Variants in PTPN4 observed in about 807,000 individuals in gnomAD.
PTPN4 encodes the protein protein tyrosine phosphatase non-receptor type 4, also known as tyrosine-protein phosphatase non-receptor type 4.
In PTPN4, 49 loss-of-function variants were observed where a neutral mutation model predicts 135.5. That is an observed-to-expected ratio of 0.36 (90% CI 0.29 to 0.46). PTPN4 has a LOEUF of 0.46. Ranked by LOEUF, PTPN4 falls within the 20% of genes least tolerant of loss-of-function variation. The pLI, the probability that PTPN4 is intolerant of heterozygous loss-of-function variation, is 1.00. For missense variants in PTPN4, 860 were observed against 1,101.0 expected (o/e 0.78, Z 3.10); for synonymous variants, 333 against 369.9 (o/e 0.90, Z 1.14).
At chr2:119,878,901 G>C (rs1201536612) in intron 5 of PTPN4, among the ~76,000 whole-genome samples, 5 of 151,750 alleles carry the variant, frequency 3.3e-5, no homozygotes, top group Admixed American at 2.0e-4. Flanking sequence ...AGAACATCCT[G>C]GCTAACACGG....
chr2:119,975,158 C>T (rs1384117469), intron 26 of PTPN4, among the ~76,000 whole-genome samples: 2 of 152,168 alleles, frequency 1.3e-5, no homozygotes, highest in Admixed American at 1.3e-4. Context: ...TGTTGCCAGG[C>T]TGGTTTGCAG....
chr2:119,841,878 G>A (rs2104970886), intron 2 of PTPN4, among the ~76,000 whole-genome samples: 1 of 152,194 alleles, frequency 6.6e-6, no homozygotes, highest in South Asian at 2.1e-4. Flanking sequence ...CATAGTTTTG[G>A]TGTTAAAATT....
At chr2:119,946,228 A>AT (rs1379496890) in intron 16 of PTPN4, 113 bp from the exon 17 acceptor site, 5 of 820,690 alleles carry the variant, frequency 6.1e-6, no homozygotes, top group Non-Finnish European at 9.1e-6. Context: ...TAGAATTATG[A>AT]TTTTTTACAA....
chr2:119,810,382 A>T (rs1421091777), intron 2 of PTPN4, among the ~76,000 whole-genome samples: 1 of 152,182 alleles, frequency 6.6e-6, no homozygotes, highest in African/African-American at 2.4e-5. Context: ...GACAGCCCTG[A>T]TCTTATCTAT....
At chr2:119,857,133 G>C (rs1677691638) in intron 2 of PTPN4, among the ~76,000 whole-genome samples, 2 of 151,700 alleles carry the variant, frequency 1.3e-5, no homozygotes, top group Admixed American at 6.6e-5. Flanking sequence ...ACCCAGGCTG[G>C]AGTGCAGTGG....
intron 10 of PTPN4, among the ~76,000 whole-genome samples, chr2:119,913,223 A>T (rs991564892): frequency 1.3e-5 from 2 of 152,090 alleles, no homozygotes; most frequent in East Asian, 3.9e-4. Flanking sequence ...ATGAGTGTAT[A>T]TATCTAGGAG....
At chr2:119,781,349 G>A (rs985685302) in intron 1 of PTPN4, among the ~76,000 whole-genome samples, 6 of 152,132 alleles carry the variant, frequency 3.9e-5, no homozygotes, top group Admixed American at 3.9e-4. Flanking sequence ...ATTAACCAAT[G>A]CCTCTAATTC....
At chr2:119,846,201 A>T (rs1157609782) in intron 2 of PTPN4, among the ~76,000 whole-genome samples, 1 of 152,190 alleles carries the variant, frequency 6.6e-6, no homozygotes, top group African/African-American at 2.4e-5. Flanking sequence ...CCTGTCAGTC[A>T]GGTCTCGTTA....
rs945099367 is a variant in PTPN4 at position 119,962,599 on chromosome 2, A to G, written c.2281-17A>G. 4 of 1,277,880 alleles carry G rather than the reference A, an allele frequency of 3.1e-6. No homozygotes were observed. Among genetic ancestry groups the G allele is most frequent in the African/African-American group, 3.1e-5 (2 of 65,020 alleles). The allele number at this position is 1,277,880 out of a possible 1,614,324, so 79.2% of individuals were successfully genotyped here. ...ATGTATATAATTTTATTTATTATTT[A>G]TTTATATCAATATCAGGTTAAATGT... On this transcript the variant is annotated splice_polypyrimidine_tract_variant and intron_variant, in intron 23 of 26. Coordinates refer to ENST00000263708, the MANE Select transcript of PTPN4 (RefSeq NM_002830.4).
At chr2:119,827,771 T>C (rs1429862241) in intron 2 of PTPN4, among the ~76,000 whole-genome samples, 2 of 152,212 alleles carry the variant, frequency 1.3e-5, no homozygotes, top group African/African-American at 2.4e-5. Context: ...TGTTTTTGAA[T>C]GTTATTGAGT....
rs981796938 is a variant in PTPN4 at position 119,827,044 on chromosome 2, T to C, written c.138+17053T>C. Among the ~76,000 whole-genome samples the C allele has an allele frequency of 6.0e-4, 91 of 152,060 alleles. 6 individuals are homozygous for C. Among genetic ancestry groups the C allele is most frequent in the Non-Finnish European group, 1.5e-5 (1 of 67,994 alleles). ...CCCTATCTCTAAAAATAAAATAGTT[T>C]TTTAGCTGCAGTTTTGATCTAACTA... On this transcript the variant is annotated intron_variant, in intron 2 of 26. Transcript: ENST00000263708.
In PTPN4 at chr2:119,946,373, C is replaced by T. The variant is rs746870364; in HGVS notation, c.1548C>T (p.Val516=). 1 of 1,610,834 alleles carries T rather than the reference C, an allele frequency of 6.2e-7. No individual in the cohort carries two copies. The highest frequency in any genetic ancestry group is 1.7e-5 in the Admixed American group (1 of 59,792). ...GTGGTATTCCACATGATAATCTTGT[C>T]CTAATCAGAATGAAACCTGATGAAA... ...PNGGIPHDNL[V]LIRMKPDENG... is the part of the protein sequence containing the mutation. Residue 516 remains valine, a synonymous_variant, in exon 17 of 27, where the codon GTC becomes GTT. Transcript: ENST00000263708.
At chr2:119,916,040 G>C (rs1203068567) in intron 11 of PTPN4, 3 of 147,334 alleles carry the variant, frequency 2.0e-5, no homozygotes, top group Admixed American at 6.8e-5. Context: ...AAAAAAAATG[G>C]AAAAAAAAAA....
chr2:119,802,521 A>G (rs1334446296), intron 1 of PTPN4, among the ~76,000 whole-genome samples: 1 of 152,172 alleles, frequency 6.6e-6, no homozygotes, highest in Non-Finnish European at 1.5e-5. Context: ...ATATTGATTG[A>G]TTGTTAAAAT....
chr2:119,855,189 C>A (rs975960660), intron 2 of PTPN4, among the ~76,000 whole-genome samples: 1 of 152,136 alleles, frequency 6.6e-6, no homozygotes, highest in Admixed American at 6.5e-5. Context: ...CCAGTCTACC[C>A]TTTCAGTTAA....
intron 1 of PTPN4, among the ~76,000 whole-genome samples, chr2:119,795,123 C>T (rs930863113): frequency 1.3e-5 from 2 of 152,152 alleles, no homozygotes; most frequent in Non-Finnish European, 2.9e-5. Flanking sequence ...AGTTGGTTGT[C>T]CCATCATCTC....
rs1441334289 is a variant in PTPN4 at position 119,980,118 on chromosome 2, G to A, written c.*3048G>A. On this transcript the variant is annotated 3_prime_UTR_variant, in exon 27 of 27. Coordinates refer to ENST00000263708, the MANE Select transcript of PTPN4 (RefSeq NM_002830.4). ...GCTAGGAGAAAGAGGTGAGAGGGGA[G>A]TGGTTGATGATTTTAATCAAGAGTA... 2 of 152,092 alleles carry A rather than the reference G, an allele frequency of 1.3e-5. No individual in the cohort carries two copies. The highest frequency in any genetic ancestry group is 2.4e-5 in the African/African-American group (1 of 41,448). 9.4% of individuals were successfully genotyped at this position (152,092 alleles called of 1,614,324 possible).
At chr2:119,944,688 T>C (rs1315463716) in intron 15 of PTPN4, among the ~76,000 whole-genome samples, 1 of 152,188 alleles carries the variant, frequency 6.6e-6, no homozygotes, top group Non-Finnish European at 1.5e-5. Context: ...TCTTAAGCTA[T>C]TTAGGCTGGA....
chr2:119,915,086 A>G, intron 10 of PTPN4, 93 bp from the exon 11 acceptor site: 1 of 1,059,816 alleles, frequency 9.4e-7, no homozygotes. Context: ...ATGTTTAGAT[A>G]TTACTAAATA....
Sources: allele counts gnomAD v4.1 joint callset (sites outside exome capture counted in the v4.1 genomes callset), GRCh38; gene constraint gnomAD v4.1.1; transcripts MANE v1.5; gene names NCBI Gene and HGNC (gene_info 2026-07-23, HGNC 2026-07-21).